Variants in IL10RB observed in about 807,000 individuals in gnomAD.
The protein encoded by IL10RB is interleukin-10 receptor subunit beta.
Under a neutral mutation model 38.7 loss-of-function variants are expected in IL10RB, and 30 were observed. The observed-to-expected ratio is 0.78, with a 90% CI of 0.58 to 1.05. The LOEUF is 1.05. Ranked by LOEUF, IL10RB falls within the 50% of genes least tolerant of loss-of-function variation. The pLI is 0.00. For missense variants in IL10RB, 328 were observed against 397.1 expected, an observed-to-expected ratio of 0.83 and a Z score of 1.48; for synonymous variants, 142 against 145.9, an observed-to-expected ratio of 0.97 and a Z score of 0.19.
At chr21:33,293,855 A>G (rs999261) in intron 6 of IL10RB, among the ~76,000 whole-genome samples, 24,541 of 152,106 alleles carry the variant, frequency 0.16, 2,581 homozygotes, top group East Asian at 0.39. Context: ...GCATGAACTA[A>G]GAATCCTCTA....
chr21:33,288,744 T>C (rs570601989), intron 6 of IL10RB, among the ~76,000 whole-genome samples: 16 of 152,224 alleles, frequency 1.1e-4, no homozygotes, highest in Non-Finnish European at 1.9e-4. Flanking sequence ...TCCTGGACTT[T>C]AGGAAGGCTA....
chr21:33,289,201 G>C (rs1405861208), intron 6 of IL10RB, among the ~76,000 whole-genome samples: 1 of 152,234 alleles, frequency 6.6e-6, no homozygotes, highest in African/African-American at 2.4e-5. Flanking sequence ...TGAGAGGTGA[G>C]ACAGCAGCAG....
At chr21:33,285,259 C>G (rs947516192) in intron 5 of IL10RB, among the ~76,000 whole-genome samples, 2 of 152,106 alleles carry the variant, frequency 1.3e-5, no homozygotes, top group African/African-American at 4.8e-5. Flanking sequence ...AGTAACTTGC[C>G]CAAATGCTAG....
downstream of IL10RB, among the ~76,000 whole-genome samples, chr21:33,300,410 C>A (rs2082982810): frequency 6.7e-6 from 1 of 149,002 alleles, no homozygotes; most frequent in Non-Finnish European, 1.5e-5. Flanking sequence ...CACTGCACTC[C>A]AGCCTGGGTG....
chr21:33,283,286 A>T (rs775795849), intron 5 of IL10RB, 45 bp downstream of exon 5: 25 of 1,589,300 alleles, frequency 1.6e-5, no homozygotes, highest in Non-Finnish European at 2.2e-5. Context: ...AAACAGCTTT[A>T]TAGACACCTG....
chr21:33,307,838 T>C (rs1461423941), intron 1 of IL10RB, among the ~76,000 whole-genome samples: 1 of 152,244 alleles, frequency 6.6e-6, no homozygotes. Flanking sequence ...ATATTTTTTG[T>C]TCACACATTT....
intron 1 of IL10RB, 58 bp downstream of exon 1, chr21:33,266,572 G>A: frequency 1.3e-6 from 2 of 1,501,606 alleles, no homozygotes; most frequent in East Asian, 2.5e-5. Flanking sequence ...GCGAGATGCC[G>A]CCCCTGATCC....
chr21:33,299,090 C>T (rs2082978676), downstream of IL10RB, among the ~76,000 whole-genome samples: 1 of 152,186 alleles, frequency 6.6e-6, no homozygotes, highest in Non-Finnish European at 1.5e-5. Context: ...CCGTATCTTG[C>T]CCCAAACCCG....
At chr21:33,304,157 A>T (rs748293546) in intron 1 of IL10RB, among the ~76,000 whole-genome samples, 1 of 152,208 alleles carries the variant, frequency 6.6e-6, no homozygotes, top group Non-Finnish European at 1.5e-5. Context: ...CACAATGAGC[A>T]TTTCTGCCAC....
chr21:33,273,757 A>T (rs1989122185), intron 2 of IL10RB, among the ~76,000 whole-genome samples: 1 of 152,198 alleles, frequency 6.6e-6, no homozygotes, highest in Admixed American at 6.5e-5. Flanking sequence ...TTGTCATTTC[A>T]ACAATGTTCA....
At chr21:33,267,676 T>A (rs1988993220) in intron 1 of IL10RB, among the ~76,000 whole-genome samples, 1 of 151,820 alleles carries the variant, frequency 6.6e-6, no homozygotes, top group South Asian at 2.1e-4. Flanking sequence ...CCACTACGCC[T>A]GGCTAATTTT....
In IL10RB at chr21:33,268,512, C is replaced by T; in HGVS notation, c.168C>T (p.Tyr56=). Residue 56 remains tyrosine (Y), a synonymous_variant, in exon 2 of 7, where the codon TAC becomes TAT. Transcript: ENST00000290200. ...GGAACCTGACTTTCACAGCTCAGTA[C>T]CTAAGGTGGGTCTGGCCTCACTATT... ...AKGNLTFTAQ[Y]LSYRIFQDKC... is the part of the protein sequence containing the mutation. 1.2e-6 allele frequency: 2 copies of T among 1,610,490 alleles called. No homozygotes were observed. The highest frequency in any genetic ancestry group is 1.7e-6 in the Non-Finnish European group (2 of 1,176,736).
intron 6 of IL10RB, chr21:33,294,135 C>A (rs1989543264): frequency 2.2e-6 from 1 of 457,384 alleles, no homozygotes; most frequent in Admixed American, 2.5e-5. Context: ...CCTGTAAGAT[C>A]TGAGAAATCA....
chr21:33,289,975 G>A (rs1224161268), intron 6 of IL10RB, among the ~76,000 whole-genome samples: 3 of 152,104 alleles, frequency 2.0e-5, no homozygotes, highest in East Asian at 1.9e-4. Flanking sequence ...TTAGCCAGGC[G>A]TGGTGGCGGG....
Sources: gnomAD v4.1 joint callset for allele counts (sites outside exome capture counted in the v4.1 genomes callset) on GRCh38, gnomAD v4.1.1 for gene constraint, MANE v1.5 for transcripts, NCBI Gene and HGNC (gene_info 2026-07-23, HGNC 2026-07-21) for gene names.